Variants in LRP2 observed in about 807,000 individuals in gnomAD.
LRP2 encodes the protein LDL receptor related protein 2.
Under a neutral mutation model 531.0 loss-of-function variants are expected in LRP2, and 172 were observed. The ratio of observed to expected loss-of-function variants is 0.32; its 90% confidence interval spans 0.29 to 0.37. The LOEUF is 0.37. LRP2 is among the 10% of genes least tolerant of loss of function. LRP2 has a pLI of 1.00. For missense variants in LRP2, 5,167 were observed against 5,868.3 expected (o/e 0.88, Z 3.90); for synonymous variants, 1,992 against 2,027.6 (o/e 0.98, Z 0.47).
At chr2:169,222,419 G>A (rs1414697223) in intron 33 of LRP2, among the ~76,000 whole-genome samples, 1 of 152,136 alleles carries the variant, frequency 6.6e-6, no homozygotes, top group Non-Finnish European at 1.5e-5. Flanking sequence ...ATGCAGTGTT[G>A]TCCCCAGTCA....
chr2:169,140,358 G>T (rs1685672809), intron 72 of LRP2, 97 bp downstream of exon 72: 2 of 907,574 alleles, frequency 2.2e-6, no homozygotes, highest in Non-Finnish European at 3.6e-6. Context: ...TAGTGAACTG[G>T]TGAGGTTCCT....
At chr2:169,338,251 G>A (rs1685459521) in intron 1 of LRP2, among the ~76,000 whole-genome samples, 1 of 142,114 alleles carries the variant, frequency 7.0e-6, no homozygotes, top group Non-Finnish European at 1.5e-5. Context: ...AGGGAAGGGA[G>A]AAAGAAAAAC....
At chr2:169,224,733 T>A (rs1365738856) in intron 33 of LRP2, among the ~76,000 whole-genome samples, 1 of 152,222 alleles carries the variant, frequency 6.6e-6, no homozygotes, top group Non-Finnish European at 1.5e-5. Context: ...AACACTTTTA[T>A]AGCAACAAGG....
Position 169,157,491 on chromosome 2 carries a change from C to A in LRP2, c.11899G>T (p.Glu3967Ter). ...CATATATTTTCAGCACATGTTCTTT[C>A]TTTTCCTTTATCTGAAAAACAAAAT... ...SDELGCNKGK[E>*]RTCAENICEQ... Residue 3967 changes from glutamate (E) to a stop codon, truncating the protein, a stop_gained, in exon 64 of 79, where the codon GAA becomes TAA. Coordinates refer to ENST00000649046, the MANE Select transcript of LRP2 (RefSeq NM_004525.3). LOFTEE classifies it high-confidence loss of function. 1 of 1,612,916 alleles carries A rather than the reference C, an allele frequency of 6.2e-7. No individual in the cohort carries two copies. Among genetic ancestry groups the A allele is most frequent in the Non-Finnish European group, 8.5e-7 (1 of 1,179,360 alleles).
chr2:169,263,103 C>A (rs13002323), intron 16 of LRP2, among the ~76,000 whole-genome samples: 6 of 152,018 alleles, frequency 3.9e-5, no homozygotes, highest in Admixed American at 1.3e-4. Flanking sequence ...TTCAAGATGG[C>A]TTAAAGACTT....
At chr2:169,345,801 A>G (rs1202170366) in intron 1 of LRP2, among the ~76,000 whole-genome samples, 1 of 151,594 alleles carries the variant, frequency 6.6e-6, no homozygotes, top group Non-Finnish European at 1.5e-5. Flanking sequence ...TCAGAAAAAC[A>G]TCCTACATGA....
At position 169,285,293 on chromosome 2, in the gene LRP2, C is replaced by CA. The variant is rs3836047; in HGVS notation, c.1043-2293dup. On this transcript the variant is annotated intron_variant, in intron 9 of 78. Coordinates refer to ENST00000649046, the MANE Select transcript of LRP2 (RefSeq NM_004525.3). ...CCTGGGCGACAGTGAGACCCTATCA[C>CA]AAAAAAACAGGATTTGAATGAGTGT... 4.0e-5 allele frequency among the ~76,000 whole-genome samples: 6 copies of CA among 151,892 alleles called. No homozygotes were observed. The South Asian group carries it at 1.0e-3, about 26-fold the overall frequency.
Position 169,165,931 on chromosome 2 carries a change from C to T in LRP2, c.11758+1G>A. ...CCTTCTCCCTTTTGACTTTTGCTTACAGTGCTCCTCTGTCTCATCAGTTCC... is the reference window on the plus strand; with the variant it reads ...CCTTCTCCCTTTTGACTTTTGCTTATAGTGCTCCTCTGTCTCATCAGTTCC... On this transcript the variant is annotated splice_donor_variant, in intron 62 of 78. Coordinates refer to ENST00000649046, the MANE Select transcript of LRP2 (RefSeq NM_004525.3). LOFTEE classifies it high-confidence loss of function. 1 of 1,613,996 alleles carries T rather than the reference C, an allele frequency of 6.2e-7. No individual in the cohort carries two copies. The highest frequency in any genetic ancestry group is 8.5e-7 in the Non-Finnish European group (1 of 1,179,892).
chr2:169,297,471 A>C (rs575063880), intron 4 of LRP2, among the ~76,000 whole-genome samples: 34 of 152,292 alleles, frequency 2.2e-4, no homozygotes, highest in Non-Finnish European at 4.4e-4. Context: ...TTTTAATGGA[A>C]AGATCAACAA....
intron 1 of LRP2, among the ~76,000 whole-genome samples, chr2:169,323,546 T>C (rs1046640139): frequency 2.1e-4 from 32 of 152,134 alleles, no homozygotes; most frequent in African/African-American, 7.7e-4. Context: ...GAGTGTTTTG[T>C]TTTAAATAAG....
In LRP2 at chr2:169,137,489, T is replaced by C; in HGVS notation, c.13523A>G (p.Glu4508Gly). Residue 4508 changes from glutamate (E) to glycine (G), a missense_variant, in exon 76 of 79, where the codon GAA becomes GGA. By Grantham distance (98) the Glu-to-Gly change is moderately conservative (BLOSUM62 -2). Transcript: ENST00000649046. ...TAIDRSMAMS[E>G]DFVMEMGKQP... The stretch of plus-strand genomic sequence containing the variant: ...CTTCCCCATTTCCATGACAAAGTCT[T>C]CACTCTGATGGCAGAGACAGAAAGA... The C allele has an allele frequency of 6.3e-7, 1 of 1,585,256 alleles. No homozygotes were observed. Among genetic ancestry groups the C allele is most frequent in the Non-Finnish European group, 8.7e-7 (1 of 1,154,104 alleles).
chr2:169,334,390 G>T lies in LRP2; in HGVS notation c.80-13506C>A, dbSNP rs553700525. On this transcript the variant is annotated intron_variant, in intron 1 of 78. Transcript: ENST00000649046. Reference sequence around the variant, plus strand: ...CAAAGGCAATTAAAGAAAATAAAATGATATTAGAGTGTTGGTCAAGAATAG... The same window carrying T: ...CAAAGGCAATTAAAGAAAATAAAATTATATTAGAGTGTTGGTCAAGAATAG... Among the ~76,000 whole-genome samples, 304 of 152,222 alleles carry T rather than the reference G, an allele frequency of 2.0e-3. 1 individual carries two copies. The highest frequency in any genetic ancestry group is 6.9e-3 in the African/African-American group (286 of 41,530).
chr2:169,308,926 G>A (rs1684507136), intron 3 of LRP2, among the ~76,000 whole-genome samples: 1 of 152,112 alleles, frequency 6.6e-6, no homozygotes, highest in Non-Finnish European at 1.5e-5. Flanking sequence ...TAACTGGTGT[G>A]AGATGATATC....
chr2:169,303,188 TA>T (rs938858279), intron 4 of LRP2, among the ~76,000 whole-genome samples: 2 of 151,894 alleles, frequency 1.3e-5, no homozygotes, highest in Admixed American at 6.6e-5. Context: ...TTGTATATGT[TA>T]AAAAAAACCT....
intron 1 of LRP2, among the ~76,000 whole-genome samples, chr2:169,348,832 G>C (rs1685766417): frequency 6.6e-6 from 1 of 152,146 alleles, no homozygotes; most frequent in Admixed American, 6.5e-5. Flanking sequence ...GGAGAAAAGG[G>C]GGGAGTCAGA....
At chr2:169,309,437 C>A (rs1182222829) in intron 3 of LRP2, among the ~76,000 whole-genome samples, 2 of 152,212 alleles carry the variant, frequency 1.3e-5, no homozygotes, top group East Asian at 3.8e-4. Flanking sequence ...CAGCTTTCTA[C>A]ATATGGCTAG....
intron 3 of LRP2, among the ~76,000 whole-genome samples, chr2:169,312,505 T>G (rs1410636785): frequency 6.6e-6 from 1 of 152,214 alleles, no homozygotes; most frequent in Non-Finnish European, 1.5e-5. Context: ...GAAAATTCTT[T>G]TCTTTAAGAA....
At chr2:169,169,864 G>A (rs1686931352) in intron 59 of LRP2, 46 bp from the exon 60 acceptor site, 2 of 1,306,892 alleles carry the variant, frequency 1.5e-6, no homozygotes, top group Non-Finnish European at 2.2e-6. Flanking sequence ...GTCATTTTCA[G>A]ACAGATATTA....
rs775647049 is a variant in LRP2, at chr2:169,241,196, G to A, written c.3837C>T (p.Asp1279=). 5.6e-6 allele frequency: 9 copies of A among 1,614,194 alleles called. No homozygotes were observed. The Admixed American group carries it at 1.0e-4, about 18-fold the overall frequency. ...KTCPSSYFHC[D]NGNCIHRAWL... ...ATGCCCTGTGGATGCAGTTTCCGTT[G>A]TCACAGTGGAAATATGATGAAGGGC... Residue 1279 remains aspartate (D), a synonymous_variant, in exon 25 of 79, where the codon GAC becomes GAT. Coordinates refer to ENST00000649046, the MANE Select transcript of LRP2 (RefSeq NM_004525.3).
Sources: gnomAD v4.1 joint callset for allele counts (sites outside exome capture counted in the v4.1 genomes callset) on GRCh38, gnomAD v4.1.1 for gene constraint, MANE v1.5 for transcripts, NCBI Gene and HGNC (gene_info 2026-07-23, HGNC 2026-07-21) for gene names.